The following KAT6A variants were observed in gnomAD, a reference collection of about 807,000 sequenced individuals.
KAT6A encodes histone acetyltransferase KAT6A.
A neutral mutation model predicts 198.4 loss-of-function variants in KAT6A; 9 were observed. That is an observed-to-expected ratio of 0.05 (90% CI 0.03 to 0.08). The LOEUF (loss-of-function observed/expected upper bound fraction) is 0.08. Ranked by LOEUF, KAT6A falls within the 10% of genes least tolerant of loss-of-function variation. KAT6A has a pLI of 1.00. For synonymous variants in KAT6A, 890 were observed against 883.0 expected, an observed-to-expected ratio of 1.01 and a Z score of -0.14; for missense variants, 2,077 against 2,509.9, an observed-to-expected ratio of 0.83 and a Z score of 3.69.
chr8:42,006,733 T>A (rs1825768467), intron 2 of KAT6A, among the ~76,000 whole-genome samples: 1 of 152,136 alleles, frequency 6.6e-6, no homozygotes, highest in Non-Finnish European at 1.5e-5. Flanking sequence ...CACAGTGTCA[T>A]GCCTGTAATC....
chr8:41,978,520 TTATTA>T, intron 6 of KAT6A, 117 bp downstream of exon 6: 1 of 929,786 alleles, frequency 1.1e-6, no homozygotes, highest in Non-Finnish European at 1.6e-6. Context: ...TTAGCCATTA[TTATTA>T]TATAAAAGTG....
chr8:41,946,554 C>G (rs1822409177), intron 12 of KAT6A, 37 bp downstream of exon 12: 2 of 1,078,890 alleles, frequency 1.9e-6, no homozygotes, highest in African/African-American at 1.7e-5. Flanking sequence ...AGAAGGTCCA[C>G]TGGAAAAGAC....
chr8:42,029,332 G>A (rs1484109784), intron 2 of KAT6A, among the ~76,000 whole-genome samples: 2 of 152,024 alleles, frequency 1.3e-5, no homozygotes, highest in Non-Finnish European at 2.9e-5. Flanking sequence ...TGTAAGATTC[G>A]AAAACTTTTC....
intron 8 of KAT6A, among the ~76,000 whole-genome samples, chr8:41,962,594 G>A (rs1237524811): frequency 9.8e-6 from 1 of 101,916 alleles, no homozygotes; most frequent in East Asian, 2.9e-4. Context: ...CTCCCTGCTT[G>A]TATACTGCCC....
chr8:41,934,961 T>C, intron 16 of KAT6A, 94 bp from the exon 17 acceptor site: 3 of 977,220 alleles, frequency 3.1e-6, no homozygotes, highest in Non-Finnish European at 4.6e-6. Context: ...AGAAATGACT[T>C]TATTAATCAT....
intron 2 of KAT6A, among the ~76,000 whole-genome samples, chr8:42,033,629 G>A (rs1460559223): frequency 6.6e-6 from 1 of 152,012 alleles, no homozygotes; most frequent in Non-Finnish European, 1.5e-5. Flanking sequence ...CCTCTGAACA[G>A]ACTTCCCTGA....
chr8:42,011,176 A>G (rs1275550744), intron 2 of KAT6A, among the ~76,000 whole-genome samples: 1 of 152,150 alleles, frequency 6.6e-6, no homozygotes, highest in African/African-American at 2.4e-5. Context: ...AATTTAGATT[A>G]TATTTTATTT....
intron 2 of KAT6A, 103 bp from the exon 3 acceptor site, chr8:41,987,666 G>A (rs1297067894): frequency 2.6e-6 from 2 of 759,890 alleles, no homozygotes; most frequent in Non-Finnish European, 4.4e-6. Context: ...AGTAAGTTTA[G>A]GACAATTGTA....
chr8:41,983,468 T>G (rs1326435365), intron 3 of KAT6A, among the ~76,000 whole-genome samples: 1 of 152,372 alleles, frequency 6.6e-6, no homozygotes, highest in East Asian at 1.9e-4. Flanking sequence ...AGTTTTTGTT[T>G]TATTTTAAAT....
At chr8:42,020,380 G>A (rs1342088510) in intron 2 of KAT6A, among the ~76,000 whole-genome samples, 1 of 152,114 alleles carries the variant, frequency 6.6e-6, no homozygotes, top group Admixed American at 6.6e-5. Context: ...TAGATGTCAC[G>A]GTATCAGATA....
At chr8:42,040,833 T>C (rs1587859475) in intron 2 of KAT6A, among the ~76,000 whole-genome samples, 1 of 151,742 alleles carries the variant, frequency 6.6e-6, no homozygotes. Context: ...CAAGCTTTAG[T>C]AGCTCAGTAG....
chr8:42,049,641 TC>T (rs1802500964), intron 1 of KAT6A: 1 of 152,374 alleles, frequency 6.6e-6, no homozygotes, highest in Admixed American at 6.5e-5. Flanking sequence ...TTTCAACTCT[TC>T]CTTGACATCT....
chr8:41,932,754 G>A lies in KAT6A; in HGVS notation c.5466C>T (p.Asn1822=). Residue 1822 remains asparagine, a synonymous_variant, in exon 17 of 17, where the codon AAC becomes AAT. Transcript: ENST00000265713. ...TGCACTGAAGCAGAGGAGATGTGAG[G>A]TTCATGGTAGTGGATGCCAAGTTTG... ...PPPNLASTTM[N]LTSPLLQCNM... 1 of 1,614,244 alleles carries A rather than the reference G, an allele frequency of 6.2e-7. No individual in the cohort carries two copies. Among genetic ancestry groups the A allele is most frequent in the Non-Finnish European group, 8.5e-7 (1 of 1,180,034 alleles).
chr8:42,033,582 A>C (rs1264423570), intron 2 of KAT6A, among the ~76,000 whole-genome samples: 5 of 152,050 alleles, frequency 3.3e-5, no homozygotes, highest in African/African-American at 9.7e-5. Flanking sequence ...CACCGCACCC[A>C]TTTGCTTCCC....
chr8:41,972,916 T>C (rs1823869708), intron 8 of KAT6A, among the ~76,000 whole-genome samples: 1 of 152,218 alleles, frequency 6.6e-6, no homozygotes, highest in African/African-American at 2.4e-5. Flanking sequence ...CTGAAGTCCA[T>C]GTAGATTTCT....
intron 5 of KAT6A, 109 bp from the exon 6 acceptor site, chr8:41,978,886 T>A: frequency 1.0e-6 from 1 of 972,748 alleles, no homozygotes. Flanking sequence ...AAGACTGTCA[T>A]TAGAAAATCT....
rs778163959 is a variant in KAT6A, at chr8:41,933,498, G to A, written c.4722C>T (p.Gly1574=). The change falls in exon 17 of 17, where the codon GGC becomes GGT. Residue 1574 remains glycine, a synonymous_variant. Coordinates refer to ENST00000265713, the MANE Select transcript of KAT6A (RefSeq NM_006766.5). The surrounding 1 kb of genome is among the most constrained non-coding windows in gnomAD (Gnocchi z 6.2). The part of the protein sequence containing the change: ...ENPSSYDSTM[G]GSICGNSSSQ... ...AAGAGCTGTTCCCACAGATGCTGCC[G>A]CCCATCGTGGAGTCGTAACTGCTTG... 79 of 1,613,590 alleles carry A rather than the reference G, an allele frequency of 4.9e-5. No individual in the cohort carries two copies. Among genetic ancestry groups the A allele is most frequent in the Non-Finnish European group, 6.4e-5 (75 of 1,179,728 alleles).
intron 2 of KAT6A, among the ~76,000 whole-genome samples, chr8:41,998,899 A>G (rs1000583864): frequency 6.6e-6 from 1 of 152,134 alleles, no homozygotes; most frequent in Admixed American, 6.5e-5. Flanking sequence ...TCCATTACTT[A>G]TAGTATATAA....
Position 41,997,867 on chromosome 8 carries a change from C to A in KAT6A, c.601-10304G>T, listed in dbSNP as rs572549229. 9.9e-5 allele frequency among the ~76,000 whole-genome samples: 15 copies of A among 152,232 alleles called. No homozygotes were observed. The South Asian group carries it at 3.1e-3, about 32-fold the overall frequency. On this transcript the variant is annotated intron_variant, in intron 2 of 16. Transcript: ENST00000265713. ...TTTCAGCAGAGACATTATCTATAAGCTGATAAACATCTACTGACAAGCACT... is the reference window on the plus strand; with the variant it reads ...TTTCAGCAGAGACATTATCTATAAGATGATAAACATCTACTGACAAGCACT...
Sources: gnomAD v4.1 joint callset for allele counts (sites outside exome capture counted in the v4.1 genomes callset) on GRCh38, gnomAD v4.1.1 for gene constraint, Gnocchi (gnomAD v3.1) non-coding constraint, MANE v1.5 for transcripts, NCBI Gene and HGNC (gene_info 2026-07-23, HGNC 2026-07-21) for gene names.